The following INTS13 variants were observed in gnomAD, a reference collection of about 807,000 sequenced individuals.
INTS13 encodes integrator complex subunit 13, also known as asunder, spermatogenesis regulator homolog (Drosphila).
Under a neutral mutation model 90.2 loss-of-function variants are expected in INTS13, and 35 were observed. The ratio of observed to expected loss-of-function variants is 0.39; its 90% CI spans 0.30 to 0.51. INTS13 has a LOEUF of 0.51. Among genes scored for constraint, INTS13 ranks in the 20% least tolerant of loss-of-function variants. The pLI is 0.80. For missense variants in INTS13, 601 were observed against 851.2 expected, an observed-to-expected ratio of 0.71 and a Z score of 3.66; for synonymous variants, 309 against 277.1, an observed-to-expected ratio of 1.11 and a Z score of -1.14.
chr12:26,936,348 AG>A (rs1387362751), intron 2 of INTS13, among the ~76,000 whole-genome samples: 1 of 152,238 alleles, frequency 6.6e-6, no homozygotes, highest in Non-Finnish European at 1.5e-5. Flanking sequence ...ATAAATATGA[AG>A]CACTTTGAAA....
At chr12:26,934,485 G>T in intron 3 of INTS13, 71 bp downstream of exon 3, 2 of 1,113,074 alleles carry the variant, frequency 1.8e-6, no homozygotes, top group East Asian at 2.4e-5. Context: ...TAAAAAATTA[G>T]TCATTTTTTT....
At chr12:26,918,146 A>G (rs942982641) in intron 8 of INTS13, among the ~76,000 whole-genome samples, 1 of 152,000 alleles carries the variant, frequency 6.6e-6, no homozygotes, top group Non-Finnish European at 1.5e-5. Context: ...AATAATAATA[A>G]TAATAAAAGC....
Position 26,924,443 on chromosome 12 carries a change from GC to G in INTS13, c.715del (p.Ala239GlnfsTer9). 6.2e-7 allele frequency: 1 copy of G among 1,612,630 alleles called. No individual in the cohort carries two copies. The highest frequency in any genetic ancestry group is 8.5e-7 in the Non-Finnish European group (1 of 1,179,108). ...VLTSEVHSVR[A>X]GRHLATKLNI... ...CAATTTGGTAGCAAGATGCCGTCCT[GC>G]ACGAACACTATGAACTTCACTGGTT... On this transcript the variant is annotated frameshift_variant, in exon 7 of 17. Transcript: ENST00000261191. LOFTEE classifies it high-confidence loss of function.
chr12:26,926,344 C>T (rs992556490), intron 5 of INTS13, among the ~76,000 whole-genome samples: 1 of 152,140 alleles, frequency 6.6e-6, no homozygotes, highest in Non-Finnish European at 1.5e-5. Context: ...CAATGAACAA[C>T]GTATGTCCTT....
rs751800334 is a variant in INTS13, at chr12:26,925,757, T to C, written c.675+4A>G. ...GTCTTTTCTTTCATTATTTCAACAC[T>C]CACCTCTTTTTTAGAACGATCAGAT... On this transcript the variant is annotated splice_donor_region_variant and intron_variant, in intron 6 of 16. Coordinates refer to ENST00000261191, the MANE Select transcript of INTS13 (RefSeq NM_018164.3). 45 of 1,600,746 alleles carry C rather than the reference T, an allele frequency of 2.8e-5. No individual in the cohort carries two copies. Among genetic ancestry groups the C allele is most frequent in the Non-Finnish European group, 6.0e-6 (7 of 1,169,494 alleles).
chr12:26,905,525 G>A lies in INTS13; in HGVS notation c.2093C>T (p.Thr698Ile), dbSNP rs772755287. The A allele has an allele frequency of 3.1e-6, 5 of 1,610,786 alleles. No individual in the cohort carries two copies. The East Asian group carries it at 1.1e-4, about 36-fold the overall frequency. Residue 698 changes from threonine (T) to isoleucine (I), a missense_variant, in exon 17 of 17, where the codon ACA (threonine) becomes ATA (isoleucine). Thr to Ile is a moderately conservative substitution (Grantham distance 89). Around this residue, in one of 3 missense-constraint regions of INTS13, gnomAD observed 228 missense variants for 272.5 expected, o/e 0.84. Coordinates refer to ENST00000261191, the MANE Select transcript of INTS13 (RefSeq NM_018164.3). Reference sequence around the variant, plus strand: ...CTGCCGGCTGGCTTTTCCATTTTCTGTTGTCTCCATCCTGAAATAGGAAGA... The same window carrying A: ...CTGCCGGCTGGCTTTTCCATTTTCTATTGTCTCCATCCTGAAATAGGAAGA... ...HLKEENGMET[T>I]ENGKASRQ
chr12:26,905,263 C>T lies in INTS13; in HGVS notation c.*234G>A, dbSNP rs2137375197. The T allele has an allele frequency of 6.4e-6, 3 of 465,642 alleles. No individual in the cohort carries two copies. In the South Asian group the frequency reaches 1.0e-4, roughly 16 times the overall value. 28.8% of individuals were successfully genotyped at this position (465,642 alleles called of 1,614,324 possible). The stretch of plus-strand genomic sequence containing the variant: ...TTTAAAAACATTTCCAGAGAGAACA[C>T]TTTATACCATAAAATAAACTTGTAT... On this transcript the variant is annotated 3_prime_UTR_variant, in exon 17 of 17. Coordinates refer to ENST00000261191, the MANE Select transcript of INTS13 (RefSeq NM_018164.3).
intron 3 of INTS13, among the ~76,000 whole-genome samples, chr12:26,933,942 A>G (rs949921509): frequency 6.6e-6 from 1 of 152,258 alleles, no homozygotes; most frequent in African/African-American, 2.4e-5. Context: ...TTGGCTTAAC[A>G]GTGAATAATA....
intron 4 of INTS13, 29 bp downstream of exon 4, chr12:26,928,674 T>C (rs1938020318): frequency 6.2e-7 from 1 of 1,605,782 alleles, no homozygotes; most frequent in Non-Finnish European, 8.5e-7. Context: ...ATTCCCACAG[T>C]GAAAGAATTG....
intron 8 of INTS13, chr12:26,919,103 G>A: frequency 3.1e-6 from 1 of 323,902 alleles, no homozygotes. Context: ...AGGGGTCGAT[G>A]CTGCAGTGAG....
chr12:26,929,026 A>T (rs1445226110), intron 3 of INTS13, 121 bp from the exon 4 acceptor site: 35 of 861,056 alleles, frequency 4.1e-5, no homozygotes, highest in Non-Finnish European at 5.9e-5. Flanking sequence ...ATTCTTAAAA[A>T]AATAGTAGCA....
At chr12:26,915,226 CAAAA>C (rs1555205057) in intron 11 of INTS13, among the ~76,000 whole-genome samples, 1 of 151,902 alleles carries the variant, frequency 6.6e-6, no homozygotes, top group Non-Finnish European at 1.5e-5. Context: ...AACTCTGTCT[CAAAA>C]CAAACAAACA....
At chr12:26,912,215 C>T (rs558516351) in intron 14 of INTS13, among the ~76,000 whole-genome samples, 11 of 152,240 alleles carry the variant, frequency 7.2e-5, no homozygotes, top group African/African-American at 1.4e-4. Context: ...ATGGGCAGAT[C>T]GCCTGAGGTC....
intron 1 of INTS13, among the ~76,000 whole-genome samples, chr12:26,937,375 G>A (rs969305986): frequency 2.6e-5 from 4 of 152,244 alleles, no homozygotes; most frequent in Admixed American, 6.5e-5. Context: ...CTTCGCCTTA[G>A]GATAAGGACC....
At position 26,914,592 on chromosome 12, in the gene INTS13, AATAAG is replaced by A; in HGVS notation, c.1249-19_1249-15del. On this transcript the variant is annotated splice_polypyrimidine_tract_variant and intron_variant, in intron 11 of 16. Coordinates refer to ENST00000261191, the MANE Select transcript of INTS13 (RefSeq NM_018164.3). ...TTCACCAAAATCCTAATGATAACCA[AATAAG>A]ATAAAATTAGAAACTATGTCTAATG... 6.3e-7 allele frequency: 1 copy of A among 1,581,110 alleles called. No homozygotes were observed. Among genetic ancestry groups the A allele is most frequent in the Non-Finnish European group, 8.7e-7 (1 of 1,155,762 alleles).
rs779402024 is a variant in INTS13 at position 26,924,310 on chromosome 12, A to G, written c.804+45T>C. 5 of 1,598,048 alleles carry G rather than the reference A, an allele frequency of 3.1e-6. No homozygotes were observed. In the South Asian group the frequency reaches 5.6e-5, roughly 18 times the overall value. ...GCCTGGCCTCAAACAAATATTTAAA[A>G]AGCAAAGCAGTGCTTTCAAAATAGC... On this transcript the variant is annotated intron_variant, in intron 7 of 16. Transcript: ENST00000261191.
At chr12:26,935,978 A>G (rs1269945609) in intron 2 of INTS13, among the ~76,000 whole-genome samples, 1 of 152,214 alleles carries the variant, frequency 6.6e-6, no homozygotes, top group Non-Finnish European at 1.5e-5. Context: ...CTTCTTACTG[A>G]TAAACCATAT....
At chr12:26,922,161 G>A (rs1177774700) in intron 8 of INTS13, among the ~76,000 whole-genome samples, 2 of 152,092 alleles carry the variant, frequency 1.3e-5, no homozygotes, top group African/African-American at 2.4e-5. Context: ...ATCCACTGTC[G>A]AGGTATCATA....
At chr12:26,928,652 C>A (rs915161815) in intron 4 of INTS13, 51 bp downstream of exon 4, 1 of 1,579,590 alleles carries the variant, frequency 6.3e-7, no homozygotes, top group East Asian at 2.2e-5. Context: ...AAAACTACAA[C>A]AGGATTTTAA....
Sources: gnomAD v4.1 joint callset for allele counts (sites outside exome capture counted in the v4.1 genomes callset) on GRCh38, gnomAD v4.1.1 for gene constraint, gnomAD v4.1.1 regional missense constraint, MANE v1.5 for transcripts, NCBI Gene and HGNC (gene_info 2026-07-23, HGNC 2026-07-21) for gene names.